The following LIN28B variants were observed in gnomAD, a reference collection of about 807,000 sequenced individuals.
LIN28B encodes lin-28 RNA binding posttranscriptional regulator B, also known as protein lin-28 homolog B.
LIN28B carries 5 observed loss-of-function variants against 21.9 expected under a neutral mutation model. The observed-to-expected ratio is 0.23, with a 90% CI of 0.12 to 0.48. LIN28B has a LOEUF of 0.48. LIN28B is among the 20% of genes least tolerant of loss of function. The pLI, the probability that LIN28B is intolerant of heterozygous loss-of-function variation, is 0.98. For synonymous variants in LIN28B, 109 were observed against 111.3 expected, an observed-to-expected ratio of 0.98 and a Z score of 0.13; for missense variants, 245 against 310.5, an observed-to-expected ratio of 0.79 and a Z score of 1.58.
chr6:105,056,254 C>T lies in LIN28B; in HGVS notation c.384-22160C>T, dbSNP rs373569480. On this transcript the variant is annotated intron_variant, in intron 3 of 3. Coordinates refer to ENST00000345080, the MANE Select transcript of LIN28B (RefSeq NM_001004317.4). ...TCACTTTTTCCTGCTTCTTTTCATG[C>T]GTAGTAATTTTTTTATTGTATGTAG... Among the ~76,000 whole-genome samples, 2 of 106,772 alleles carry T rather than the reference C, an allele frequency of 1.9e-5. 1 individual carries two copies. The highest frequency in any genetic ancestry group is 2.2e-4 in the Admixed American group (2 of 8,916). The allele number at this position is 106,772 out of a possible 152,430, so 70.0% of individuals were successfully genotyped here.
chr6:104,984,655 T>C (rs1028232111), intron 2 of LIN28B, among the ~76,000 whole-genome samples: 1 of 152,066 alleles, frequency 6.6e-6, no homozygotes, highest in Non-Finnish European at 1.5e-5. Context: ...AGGCTGGTCT[T>C]GAACACCTGG....
chr6:105,040,934 G>A (rs1294134894), intron 3 of LIN28B, among the ~76,000 whole-genome samples: 1 of 151,804 alleles, frequency 6.6e-6, no homozygotes, highest in Non-Finnish European at 1.5e-5. Flanking sequence ...TTTGAGACAA[G>A]TTCTCTCACT....
chr6:104,970,794 A>G (rs1283065202), intron 2 of LIN28B, among the ~76,000 whole-genome samples: 4 of 152,176 alleles, frequency 2.6e-5, no homozygotes, highest in Non-Finnish European at 4.4e-5. Flanking sequence ...GTAAAATACA[A>G]GAGGGAATTA....
intron 3 of LIN28B, among the ~76,000 whole-genome samples, chr6:105,045,345 G>A (rs1771733854): frequency 1.3e-5 from 2 of 148,360 alleles, no homozygotes; most frequent in South Asian, 4.3e-4. Flanking sequence ...GGAGTGCAGG[G>A]TCACTATATT....
At chr6:105,023,222 T>C (rs1216634916) in intron 2 of LIN28B, among the ~76,000 whole-genome samples, 1 of 98,490 alleles carries the variant, frequency 1.0e-5, no homozygotes, top group Non-Finnish European at 1.9e-5. Flanking sequence ...TATATATATA[T>C]ATATAATATA....
intron 2 of LIN28B, among the ~76,000 whole-genome samples, chr6:105,025,072 C>T (rs942790695): frequency 2.4e-4 from 37 of 151,888 alleles, no homozygotes; most frequent in African/African-American, 8.2e-4. Flanking sequence ...ACCTTTTTCT[C>T]GTGGTCTTGT....
intron 2 of LIN28B, chr6:104,950,349 T>C (rs1778206903): frequency 9.3e-6 from 5 of 536,488 alleles, no homozygotes; most frequent in Non-Finnish European, 1.4e-5. Flanking sequence ...TACAGGTCTC[T>C]TCACAGAGTC....
rs956834315 is a variant in LIN28B, at chr6:105,043,278, C to T, written c.383+16796C>T. 5.5e-5 allele frequency among the ~76,000 whole-genome samples: 7 copies of T among 126,778 alleles called. No individual in the cohort carries two copies. In the East Asian group the frequency reaches 9.5e-4, roughly 17 times the overall value. 83.2% of individuals were successfully genotyped at this position (126,778 alleles called of 152,430 possible). On this transcript the variant is annotated intron_variant, in intron 3 of 3. Coordinates refer to ENST00000345080, the MANE Select transcript of LIN28B (RefSeq NM_001004317.4). ...CCCATCTAAAAATACTAAAATTAGC[C>T]GGGCATAGTGGCGCACGCCTGTAGT...
At chr6:104,978,438 G>T (rs1283931965) in intron 2 of LIN28B, among the ~76,000 whole-genome samples, 1 of 152,036 alleles carries the variant, frequency 6.6e-6, no homozygotes, top group Non-Finnish European at 1.5e-5. Context: ...TCAGCTGCTT[G>T]AATACCTTAA....
chr6:105,051,931 T>C lies in LIN28B; in HGVS notation c.383+25449T>C, dbSNP rs192408324. Among the ~76,000 whole-genome samples the C allele has an allele frequency of 1.7e-4, 26 of 152,336 alleles. 1 individual carries two copies. Among genetic ancestry groups the C allele is most frequent in the Admixed American group, 1.6e-3 (24 of 15,302 alleles). On this transcript the variant is annotated intron_variant, in intron 3 of 3. Transcript: ENST00000345080. ...TATATAATGTGACGTCAGGTAGTGA[T>C]AAATGCTGTGAAGAAAATTATAGCA...
chr6:105,054,607 G>A (rs1479673844), intron 3 of LIN28B, among the ~76,000 whole-genome samples: 3 of 152,308 alleles, frequency 2.0e-5, no homozygotes, highest in South Asian at 2.1e-4. Context: ...TATAGTTACC[G>A]GAATGGGACT....
chr6:105,005,250 G>A (rs937422871), intron 2 of LIN28B, among the ~76,000 whole-genome samples: 1 of 152,008 alleles, frequency 6.6e-6, no homozygotes, highest in African/African-American at 2.4e-5. Flanking sequence ...CTTCCAATAA[G>A]TTTTTAGGGA....
Position 104,944,290 on chromosome 6 carries a change from C to T in LIN28B, c.19-6171C>T, listed in dbSNP as rs377687247. Reference sequence around the variant, plus strand: ...TAGAGGTTTTCTCTTTCTTTGAAAGCTGCCACTTGCAGATGATGACAAGAT... The same window carrying T: ...TAGAGGTTTTCTCTTTCTTTGAAAGTTGCCACTTGCAGATGATGACAAGAT... On this transcript the variant is annotated intron_variant, in intron 2 of 5. Coordinates refer to the LIN28B transcript ENST00000635857. 1.2e-4 allele frequency among the ~76,000 whole-genome samples: 19 copies of T among 152,200 alleles called. No homozygotes were observed. The East Asian group carries it at 2.5e-3, about 20-fold the overall frequency.
intron 2 of LIN28B, among the ~76,000 whole-genome samples, chr6:104,990,869 C>T (rs374336325): frequency 5.8e-4 from 89 of 152,182 alleles, no homozygotes; most frequent in Non-Finnish European, 1.1e-3. Flanking sequence ...CAGAGAGCAC[C>T]GGGTTGGGGG....
chr6:104,948,578 C>A (rs1255457154), intron 2 of LIN28B, among the ~76,000 whole-genome samples: 5 of 152,054 alleles, frequency 3.3e-5, no homozygotes, highest in Non-Finnish European at 5.9e-5. Flanking sequence ...TATTTCATTT[C>A]AAAAAACAGT....
intron 3 of LIN28B, among the ~76,000 whole-genome samples, chr6:105,032,915 T>G (rs1221818050): frequency 6.6e-6 from 1 of 152,166 alleles, no homozygotes; most frequent in Non-Finnish European, 1.5e-5. Flanking sequence ...TGTTTTCTTA[T>G]TGCACTTTAA....
At chr6:105,070,751 C>G (rs1379216906) in intron 3 of LIN28B, among the ~76,000 whole-genome samples, 1 of 152,078 alleles carries the variant, frequency 6.6e-6, no homozygotes, top group African/African-American at 2.4e-5. Flanking sequence ...GCACTCCAGC[C>G]TGGGCAACAG....
rs527337603 is a variant in LIN28B, at chr6:104,994,074, G to C, written c.199-32224G>C. ...GGCTGGAGGGCAGTGGCGCAATCTC[G>C]GCTCACTGCAAGCTCCGCCTTCCAG... On this transcript the variant is annotated intron_variant, in intron 2 of 3. Transcript: ENST00000345080. 1.1e-4 allele frequency among the ~76,000 whole-genome samples: 17 copies of C among 151,886 alleles called. No homozygotes were observed. In the East Asian group the frequency reaches 3.3e-3, roughly 30 times the overall value.
intron 2 of LIN28B, among the ~76,000 whole-genome samples, chr6:104,941,674 A>G (rs1778096744): frequency 1.3e-5 from 2 of 152,118 alleles, no homozygotes; most frequent in Admixed American, 1.3e-4. Flanking sequence ...GGTATCGGTG[A>G]TGTAAATTCA....
Sources: allele counts gnomAD v4.1 joint callset (sites outside exome capture counted in the v4.1 genomes callset), GRCh38; gene constraint gnomAD v4.1.1; transcripts MANE v1.5; gene names NCBI Gene and HGNC (gene_info 2026-07-23, HGNC 2026-07-21).